The following GALNT18 variants were observed in gnomAD, a reference collection of about 807,000 sequenced individuals.
GALNT18 encodes GalNAc-transferase 18.
A neutral mutation model predicts 69.5 loss-of-function variants in GALNT18; 44 were observed. The observed-to-expected ratio is 0.63, with a 90% CI of 0.50 to 0.81. GALNT18 has a LOEUF of 0.81. Ranked by LOEUF, GALNT18 falls within the 40% of genes least tolerant of loss-of-function variation. The pLI, the probability that GALNT18 is intolerant of heterozygous loss-of-function variation, is 0.00. For missense variants in GALNT18, 715 were observed against 810.0 expected (o/e 0.88, Z 1.42); for synonymous variants, 364 against 318.2 (o/e 1.14, Z -1.53).
Position 11,314,380 on chromosome 11 carries a change from T to G in GALNT18, c.1512+12706A>C, listed in dbSNP as rs1300611524. The stretch of plus-strand genomic sequence containing the variant: ...TGGAATGAATAACAAATCAAGCAGC[T>G]CCTTTTTTTTTTTTTAGCATGGAAG... On this transcript the variant is annotated intron_variant, in intron 9 of 10. Transcript: ENST00000227756. This position sits in a 1 kb window ranked among gnomAD's most constrained non-coding sequence, Gnocchi z 5.2. 2.4e-5 allele frequency among the ~76,000 whole-genome samples: 1 copy of G among 42,476 alleles called. No homozygotes were observed. Among genetic ancestry groups the G allele is most frequent in the African/African-American group, 8.7e-5 (1 of 11,478 alleles). The allele number at this position is 42,476 out of a possible 152,430, so 27.9% of individuals were successfully genotyped here.
intron 6 of GALNT18, among the ~76,000 whole-genome samples, chr11:11,370,869 G>A (rs1413017036): frequency 6.6e-6 from 1 of 152,190 alleles, no homozygotes; most frequent in Non-Finnish European, 1.5e-5. Context: ...AACCCACTCA[G>A]ACAATTCCTG....
intron 3 of GALNT18, among the ~76,000 whole-genome samples, chr11:11,403,386 G>A (rs1156505964): frequency 6.6e-6 from 1 of 152,196 alleles, no homozygotes; most frequent in Non-Finnish European, 1.5e-5. Flanking sequence ...AATCTACTCT[G>A]CAGTCACATC....
chr11:11,579,799 T>C (rs1174901125), intron 1 of GALNT18, among the ~76,000 whole-genome samples: 3 of 152,244 alleles, frequency 2.0e-5, no homozygotes, highest in Non-Finnish European at 2.9e-5. Flanking sequence ...GCTCAAGAGC[T>C]AATTTCCACA....
chr11:11,576,681 G>A (rs1858933307), intron 1 of GALNT18, among the ~76,000 whole-genome samples: 1 of 152,230 alleles, frequency 6.6e-6, no homozygotes, highest in South Asian at 2.1e-4. Context: ...TGAAGCTTGG[G>A]CTAGGGGCTG....
intron 1 of GALNT18, among the ~76,000 whole-genome samples, chr11:11,550,516 T>C (rs1172901610): frequency 6.6e-6 from 1 of 152,194 alleles, no homozygotes; most frequent in Non-Finnish European, 1.5e-5. Context: ...TTTTCTCTCC[T>C]CACCACCTAC....
intron 1 of GALNT18, among the ~76,000 whole-genome samples, chr11:11,551,589 G>A (rs781286668): frequency 3.3e-5 from 5 of 152,200 alleles, no homozygotes; most frequent in Non-Finnish European, 7.3e-5. Flanking sequence ...AACAAAGCAG[G>A]GTGAAGGCTT....
intron 8 of GALNT18, among the ~76,000 whole-genome samples, chr11:11,331,300 G>T (rs564846150): frequency 6.6e-6 from 1 of 152,100 alleles, no homozygotes; most frequent in Non-Finnish European, 1.5e-5. Flanking sequence ...CATGCCATGG[G>T]GACACTCATG....
At chr11:11,441,949 C>T (rs1855539945) in intron 2 of GALNT18, among the ~76,000 whole-genome samples, 1 of 152,222 alleles carries the variant, frequency 6.6e-6, no homozygotes, top group African/African-American at 2.4e-5. Flanking sequence ...AGGCTGTACA[C>T]TGTCTTGTTT....
chr11:11,276,564 A>G (rs12786321), intron 10 of GALNT18, among the ~76,000 whole-genome samples: 1 of 151,916 alleles, frequency 6.6e-6, no homozygotes, highest in African/African-American at 2.4e-5. Context: ...AACTTCCCAT[A>G]CTATGTTGAA....
At chr11:11,410,226 G>A (rs1854696640) in intron 3 of GALNT18, among the ~76,000 whole-genome samples, 1 of 152,160 alleles carries the variant, frequency 6.6e-6, no homozygotes, top group South Asian at 2.1e-4. Flanking sequence ...AGGGATTCCT[G>A]CTGTTTCTAG....
rs935263842 is a variant in GALNT18, at chr11:11,494,539, T to C, written c.236-45603A>G. ...GCCACCTAGACATGACTCAGCCATA[T>C]GAAAGACCCCTTGTGGGTGAGCTGA... is the stretch of plus-strand genomic sequence containing the variant. On this transcript the variant is annotated intron_variant, in intron 1 of 10. Transcript: ENST00000227756. The surrounding 1 kb of genome is among the most constrained non-coding windows in gnomAD (Gnocchi z 5.7). 1.3e-5 allele frequency among the ~76,000 whole-genome samples: 2 copies of C among 152,226 alleles called. No individual in the cohort carries two copies. The highest frequency in any genetic ancestry group is 2.1e-4 in the South Asian group (1 of 4,832).
intron 8 of GALNT18, among the ~76,000 whole-genome samples, chr11:11,327,708 G>T (rs1008227317): frequency 5.9e-5 from 9 of 152,190 alleles, no homozygotes; most frequent in African/African-American, 2.2e-4. Flanking sequence ...GAGAGGAGGG[G>T]GCCAGGGTGG....
rs1468944454 is a variant in GALNT18 at position 11,496,419 on chromosome 11, C to T, written c.236-47483G>A. ...CTCAGTTGAACCCAACTAGCAGCCC[C>T]TCAAGTTTAGCCCAAACTTACCCAG... On this transcript the variant is annotated intron_variant, in intron 1 of 10. Transcript: ENST00000227756. The surrounding 1 kb of genome is among the most constrained non-coding windows in gnomAD (Gnocchi z 4.0). Among the ~76,000 whole-genome samples the T allele has an allele frequency of 6.6e-6, 1 of 152,192 alleles. No homozygotes were observed. The highest frequency in any genetic ancestry group is 2.4e-5 in the African/African-American group (1 of 41,440).
At chr11:11,275,085 G>T (rs182421092) in intron 10 of GALNT18, among the ~76,000 whole-genome samples, 13 of 152,320 alleles carry the variant, frequency 8.5e-5, no homozygotes, top group Admixed American at 8.5e-4. Context: ...AGGTCAAATA[G>T]TATTTCTAGT....
chr11:11,458,473 T>A (rs1013544456), intron 1 of GALNT18, among the ~76,000 whole-genome samples: 13 of 152,252 alleles, frequency 8.5e-5, no homozygotes, highest in African/African-American at 2.9e-4. Context: ...AGAAGAGGGC[T>A]AATTGAATGT....
intron 6 of GALNT18, among the ~76,000 whole-genome samples, chr11:11,351,367 C>T (rs1223359968): frequency 3.3e-5 from 5 of 152,188 alleles, no homozygotes; most frequent in Non-Finnish European, 7.3e-5. Flanking sequence ...CTCCAGGTTC[C>T]TTGGAAAGCC....
At chr11:11,280,319 C>G (rs1849044623) in intron 10 of GALNT18, among the ~76,000 whole-genome samples, 3 of 152,172 alleles carry the variant, frequency 2.0e-5, no homozygotes, top group African/African-American at 4.8e-5. Context: ...AATCCCCATG[C>G]TGAAAGAGAC....
At chr11:11,306,668 G>A (rs764202220) in intron 9 of GALNT18, among the ~76,000 whole-genome samples, 2 of 152,158 alleles carry the variant, frequency 1.3e-5, no homozygotes, top group African/African-American at 4.8e-5. Context: ...CCACAGATGA[G>A]CACTCAATAT....
At chr11:11,400,677 A>G (rs1854441531) in intron 3 of GALNT18, among the ~76,000 whole-genome samples, 1 of 151,914 alleles carries the variant, frequency 6.6e-6, no homozygotes, top group Non-Finnish European at 1.5e-5. Context: ...ACATGGCAAA[A>G]GGGGCAAAGG....
Sources: allele counts gnomAD v4.1 joint callset (sites outside exome capture counted in the v4.1 genomes callset), GRCh38; gene constraint gnomAD v4.1.1; non-coding constraint Gnocchi (gnomAD v3.1); transcripts MANE v1.5; gene names NCBI Gene and HGNC (gene_info 2026-07-23, HGNC 2026-07-21).